The following UBXN2B variants were observed in gnomAD, a reference collection of about 807,000 sequenced individuals.
UBXN2B encodes UBX domain protein 2B.
Under a neutral mutation model 37.5 loss-of-function variants are expected in UBXN2B, and 19 were observed. That is an observed-to-expected ratio of 0.51 (90% confidence interval 0.35 to 0.74). The LOEUF is 0.74. Among genes scored for constraint, UBXN2B ranks in the 30% least tolerant of loss-of-function variants. UBXN2B has a pLI of 0.01. For missense variants in UBXN2B, 370 were observed against 393.2 expected (o/e 0.94, Z 0.50); for synonymous variants, 145 against 143.8 (o/e 1.01, Z -0.06).
rs13279410 is a variant in UBXN2B, at chr8:58,441,369, G to A, written c.671+1599G>A. On this transcript the variant is annotated intron_variant, in intron 6 of 7. Transcript: ENST00000399598. ...TCAACATATATATATATATATATAT[G>A]TATGTGTATATATATGTATGTATGT... Among the ~76,000 whole-genome samples, 939 of 113,070 alleles carry A rather than the reference G, an allele frequency of 8.3e-3. 8 individuals are homozygous for A. The highest frequency in any genetic ancestry group is 0.026 in the African/African-American group (613 of 23,726). The allele number at this position is 113,070 out of a possible 152,430, so 74.2% of individuals were successfully genotyped here.
chr8:58,434,174 T>C (rs1808353975), intron 4 of UBXN2B, among the ~76,000 whole-genome samples: 1 of 152,192 alleles, frequency 6.6e-6, no homozygotes, highest in Non-Finnish European at 1.5e-5. Context: ...ATTGTCAGTT[T>C]GTTAAGCTGA....
At chr8:58,428,874 T>A (rs561362788) in intron 2 of UBXN2B, among the ~76,000 whole-genome samples, 3 of 152,192 alleles carry the variant, frequency 2.0e-5, no homozygotes, top group African/African-American at 7.2e-5. Context: ...GGGGCAGAAT[T>A]TCATTAGGTG....
At chr8:58,425,836 C>G in intron 2 of UBXN2B, 1 of 1,167,826 alleles carries the variant, frequency 8.6e-7, no homozygotes, top group Non-Finnish European at 1.3e-6. Flanking sequence ...CATCGTATTT[C>G]AGTTCCTGAC....
chr8:58,436,811 G>A (rs560454647), intron 5 of UBXN2B, among the ~76,000 whole-genome samples: 69 of 152,218 alleles, frequency 4.5e-4, no homozygotes, highest in African/African-American at 3.1e-4. Context: ...AGTTCCCTGC[G>A]GCTTCACCAG....
chr8:58,420,890 G>A (rs1247746813), intron 2 of UBXN2B, among the ~76,000 whole-genome samples: 1 of 152,142 alleles, frequency 6.6e-6, no homozygotes, highest in African/African-American at 2.4e-5. Context: ...ATAAAATTAA[G>A]GGCAAATACA....
chr8:58,432,586 G>A (rs978542669), intron 3 of UBXN2B, among the ~76,000 whole-genome samples: 2 of 151,954 alleles, frequency 1.3e-5, no homozygotes, highest in African/African-American at 4.8e-5. Flanking sequence ...GTTTCACCAT[G>A]TTAGCCAGGG....
intron 2 of UBXN2B, chr8:58,424,510 T>G: frequency 1.4e-6 from 1 of 721,998 alleles, no homozygotes; most frequent in African/African-American, 1.8e-5. Context: ...CACATAAACT[T>G]TCTTGCGAAA....
intron 2 of UBXN2B, among the ~76,000 whole-genome samples, chr8:58,430,295 C>G (rs143367412): frequency 2.0e-3 from 301 of 152,326 alleles, no homozygotes; most frequent in African/African-American, 6.5e-3. Flanking sequence ...GGAGGCTGAA[C>G]TTGCCCTTAG....
In UBXN2B at chr8:58,450,439, C is replaced by A. The variant is rs2129604845; in HGVS notation, c.*2888C>A. 6.6e-6 allele frequency: 1 copy of A among 152,398 alleles called. No individual in the cohort carries two copies. The highest frequency in any genetic ancestry group is 1.5e-5 in the Non-Finnish European group (1 of 68,062). 9.4% of individuals were successfully genotyped at this position (152,398 alleles called of 1,614,324 possible). ...ATGTAACAAGGACTCCTTTCCTCCACTTCTCCAGTAACATATTCCTCATTT... is the reference window on the plus strand; with the variant it reads ...ATGTAACAAGGACTCCTTTCCTCCAATTCTCCAGTAACATATTCCTCATTT... On this transcript the variant is annotated 3_prime_UTR_variant, in exon 8 of 8. Transcript: ENST00000399598.
intron 2 of UBXN2B, among the ~76,000 whole-genome samples, chr8:58,423,650 T>C (rs546825595): frequency 6.6e-6 from 1 of 151,872 alleles, no homozygotes; most frequent in African/African-American, 2.4e-5. Context: ...TTAACCAGGA[T>C]GGTCTCGATC....
chr8:58,419,294 C>T (rs1276195232), intron 2 of UBXN2B, among the ~76,000 whole-genome samples: 2 of 152,102 alleles, frequency 1.3e-5, no homozygotes, highest in Admixed American at 6.5e-5. Flanking sequence ...TTCCCAGTTT[C>T]GTTGTATTTC....
chr8:58,430,110 C>T (rs939518890), intron 2 of UBXN2B, among the ~76,000 whole-genome samples: 8 of 152,272 alleles, frequency 5.3e-5, no homozygotes, highest in East Asian at 1.9e-4. Context: ...ATCTAAAGAT[C>T]TCGTCACTAA....
At chr8:58,413,766 T>A (rs1320361499) in intron 1 of UBXN2B, among the ~76,000 whole-genome samples, 3 of 152,004 alleles carry the variant, frequency 2.0e-5, no homozygotes, top group Non-Finnish European at 4.4e-5. Context: ...GACTCGGAAA[T>A]GTTTTTTTGC....
chr8:58,426,697 A>G lies in UBXN2B; in HGVS notation c.189-3822A>G, dbSNP rs558496373. 1,608 of 705,108 alleles carry G rather than the reference A, an allele frequency of 2.3e-3. 6 individuals carry two copies. Among genetic ancestry groups the G allele is most frequent in the Non-Finnish European group, 3.1e-3 (1,148 of 374,788 alleles). 43.7% of individuals were successfully genotyped at this position (705,108 alleles called of 1,614,324 possible). A position where few individuals can be genotyped will look rare whatever the true frequency, so the allele number is the denominator to read the frequency against. On this transcript the variant is annotated intron_variant, in intron 2 of 7. Transcript: ENST00000399598. ...CTCTACAATGTCATGTTCCTCCCAC[A>G]TTCCGGCTCCGTGACAGACCCGTTC...
At chr8:58,440,659 T>G (rs187295792) in intron 6 of UBXN2B, among the ~76,000 whole-genome samples, 1 of 152,336 alleles carries the variant, frequency 6.6e-6, no homozygotes, top group East Asian at 1.9e-4. Flanking sequence ...TGGCAATGTT[T>G]CCAGTGTATT....
At chr8:58,431,282 G>A (rs1808267424) in intron 3 of UBXN2B, among the ~76,000 whole-genome samples, 1 of 152,172 alleles carries the variant, frequency 6.6e-6, no homozygotes, top group African/African-American at 2.4e-5. Context: ...AGACCAGCCT[G>A]GCCAACATGG....
chr8:58,426,174 G>A, intron 2 of UBXN2B: 4 of 689,644 alleles, frequency 5.8e-6, no homozygotes, highest in South Asian at 5.6e-5. Context: ...CCTCCACACA[G>A]ATCACAGTAA....
At chr8:58,426,463 C>A in intron 2 of UBXN2B, 1 of 680,432 alleles carries the variant, frequency 1.5e-6, no homozygotes. Context: ...CCTCCTCAGC[C>A]TCCCAAAGTG....
chr8:58,418,241 CAAA>C (rs56073006), intron 2 of UBXN2B, among the ~76,000 whole-genome samples: 13 of 109,110 alleles, frequency 1.2e-4, no homozygotes, highest in African/African-American at 1.9e-4. Context: ...ACTCTGTCTC[CAAA>C]AAAAAAAAAA....
Sources: gnomAD v4.1 joint callset for allele counts (sites outside exome capture counted in the v4.1 genomes callset) on GRCh38, gnomAD v4.1.1 for gene constraint, MANE v1.5 for transcripts, NCBI Gene and HGNC (gene_info 2026-07-23, HGNC 2026-07-21) for gene names.